PDCD1LG2: variants seen among roughly 807,000 people sequenced by gnomAD.
PDCD1LG2 encodes the protein programmed cell death 1 ligand 2.
In PDCD1LG2, 32 loss-of-function variants were observed where a neutral mutation model predicts 28.2. The ratio of observed to expected loss-of-function variants is 1.13; its 90% CI spans 0.86 to 1.52. PDCD1LG2 has a LOEUF of 1.52. PDCD1LG2 is among the 40% of genes most tolerant of loss of function. The probability of loss-of-function intolerance (pLI) is 0.00; values close to 1 mark genes in which losing one functional copy is unlikely to be tolerated. For synonymous variants in PDCD1LG2, 116 were observed against 120.2 expected, an observed-to-expected ratio of 0.97 and a Z score of 0.23; for missense variants, 385 against 323.8, an observed-to-expected ratio of 1.19 and a Z score of -1.45.
At chr9:5,526,493 A>C (rs1397301889) in intron 2 of PDCD1LG2, among the ~76,000 whole-genome samples, 1 of 152,172 alleles carries the variant, frequency 6.6e-6, no homozygotes, top group African/African-American at 2.4e-5. Flanking sequence ...GCTGGAGTGC[A>C]GTGGCCCAAC....
chr9:5,557,522 C>T (rs1586818335), intron 4 of PDCD1LG2, 96 bp from the exon 5 acceptor site: 15 of 1,405,582 alleles, frequency 1.1e-5, no homozygotes, highest in Non-Finnish European at 1.5e-5. Context: ...CTCCACAGAG[C>T]TAGCCGTGTT....
chr9:5,532,636 G>A (rs1377755465), intron 2 of PDCD1LG2, among the ~76,000 whole-genome samples: 1 of 152,178 alleles, frequency 6.6e-6, no homozygotes, highest in Non-Finnish European at 1.5e-5. Flanking sequence ...ACTTGAATCA[G>A]AGGACATCTG....
chr9:5,570,061 T>A lies in PDCD1LG2; in HGVS notation c.*102T>A. On this transcript the variant is annotated 3_prime_UTR_variant, in exon 7 of 7. Transcript: ENST00000397747. Reference sequence around the variant, plus strand: ...GCCTGCAGAGCTTGCCATTTGCACTTTTCAAATGCCTTTGGATGACCCAGC... The same window carrying A: ...GCCTGCAGAGCTTGCCATTTGCACTATTCAAATGCCTTTGGATGACCCAGC... The A allele has an allele frequency of 7.0e-7, 1 of 1,429,942 alleles. No individual in the cohort carries two copies. Among genetic ancestry groups the A allele is most frequent in the Non-Finnish European group, 9.8e-7 (1 of 1,017,892 alleles). The allele number at this position is 1,429,942 out of a possible 1,614,324, so 88.6% of individuals were successfully genotyped here.
intron 1 of PDCD1LG2, among the ~76,000 whole-genome samples, chr9:5,514,691 G>A (rs1160564568): frequency 4.7e-5 from 7 of 148,032 alleles, no homozygotes; most frequent in African/African-American, 1.0e-4. Flanking sequence ...CCAGGAATTC[G>A]AGGCTGCAGT....
intron 4 of PDCD1LG2, among the ~76,000 whole-genome samples, chr9:5,551,191 T>C (rs930989312): frequency 1.3e-5 from 2 of 152,200 alleles, no homozygotes; most frequent in Non-Finnish European, 2.9e-5. Flanking sequence ...GGGAGAGCCA[T>C]AATTTTATTT....
intron 2 of PDCD1LG2, among the ~76,000 whole-genome samples, chr9:5,526,541 G>A (rs1388405968): frequency 6.6e-6 from 1 of 152,106 alleles, no homozygotes; most frequent in Admixed American, 6.6e-5. Context: ...AGGCTCAAGT[G>A]AGTCTCCTGC....
At chr9:5,544,070 C>T (rs1364512155) in intron 3 of PDCD1LG2, among the ~76,000 whole-genome samples, 1 of 152,200 alleles carries the variant, frequency 6.6e-6, no homozygotes, top group Non-Finnish European at 1.5e-5. Context: ...AAAACAGATA[C>T]TACCATGTAT....
intron 3 of PDCD1LG2, among the ~76,000 whole-genome samples, chr9:5,537,735 C>T (rs902219829): frequency 2.6e-5 from 4 of 151,940 alleles, no homozygotes; most frequent in East Asian, 1.9e-4. Flanking sequence ...GTTGTGTGGT[C>T]GGGGGAGGGG....
intron 4 of PDCD1LG2, among the ~76,000 whole-genome samples, chr9:5,554,005 C>T (rs996754508): frequency 6.6e-5 from 10 of 152,116 alleles, no homozygotes; most frequent in African/African-American, 1.2e-4. Flanking sequence ...CTACTAGCTC[C>T]AAGCCCACCC....
rs1314309286 is a variant in PDCD1LG2 at position 5,570,950 on chromosome 9, T to G, written c.*991T>G. 2.1e-5 allele frequency: 5 copies of G among 232,658 alleles called. No homozygotes were observed. Among genetic ancestry groups the G allele is most frequent in the Non-Finnish European group, 4.2e-5 (5 of 117,774 alleles). The allele number at this position is 232,658 out of a possible 1,614,324, so 14.4% of individuals were successfully genotyped here. On this transcript the variant is annotated 3_prime_UTR_variant, in exon 7 of 7. Transcript: ENST00000397747. ...ATCCTGCAAGATCCCACTACATATG[T>G]GTGGAGCAGAAGGGTAACTCGGCTA...
intron 5 of PDCD1LG2, among the ~76,000 whole-genome samples, chr9:5,560,640 G>A (rs757719462): frequency 4.7e-5 from 7 of 150,380 alleles, no homozygotes; most frequent in Non-Finnish European, 7.3e-5. Context: ...TTGAGCCTGG[G>A]ACGCCAGTCC....
At chr9:5,536,564 C>G (rs1328864146) in intron 3 of PDCD1LG2, among the ~76,000 whole-genome samples, 1 of 152,210 alleles carries the variant, frequency 6.6e-6, no homozygotes, top group Non-Finnish European at 1.5e-5. Flanking sequence ...ATCTGCAACC[C>G]TAAATCACCA....
At chr9:5,540,949 A>T (rs1348119106) in intron 3 of PDCD1LG2, among the ~76,000 whole-genome samples, 1 of 152,212 alleles carries the variant, frequency 6.6e-6, no homozygotes, top group Admixed American at 6.5e-5. Context: ...ATGAACATAG[A>T]TGTAAAAATC....
intron 1 of PDCD1LG2, among the ~76,000 whole-genome samples, chr9:5,520,434 G>A (rs1004284773): frequency 1.3e-5 from 2 of 152,134 alleles, no homozygotes; most frequent in African/African-American, 4.8e-5. Flanking sequence ...TTAGGTTCTT[G>A]ATCCATTTTG....
intron 6 of PDCD1LG2, among the ~76,000 whole-genome samples, chr9:5,568,306 C>A (rs566452067): frequency 4.6e-5 from 7 of 152,166 alleles, no homozygotes; most frequent in Non-Finnish European, 1.0e-4. Flanking sequence ...AGGAGGTGAG[C>A]GGGAGACAAG....
Position 5,557,713 on chromosome 9 carries a change from C to G in PDCD1LG2, c.727C>G (p.Leu243Val), listed in dbSNP as rs2129922261. 6.2e-7 allele frequency: 1 copy of G among 1,613,910 alleles called. No homozygotes were observed. The highest frequency in any genetic ancestry group is 2.2e-5 in the East Asian group (1 of 44,882). ...AFIFIATVIA[L>V]RKQLCQKLYS... ...CATTTTCATAGCCACAGTGATAGCC[C>G]TAAGAAAACAACTCTGTCAAAAGCT... The change falls in exon 5 of 7, where the codon CTA becomes GTA. Residue 243 changes from leucine to valine, a missense_variant. Physicochemically the swap from Leu to Val is conservative, Grantham distance 32. Transcript: ENST00000397747.
At chr9:5,543,828 G>A (rs1282360580) in intron 3 of PDCD1LG2, among the ~76,000 whole-genome samples, 1 of 63,988 alleles carries the variant, frequency 1.6e-5, no homozygotes. Context: ...AATAAAGAAA[G>A]AAATTATTTT....
chr9:5,532,084 A>C (rs1326500265), intron 2 of PDCD1LG2, among the ~76,000 whole-genome samples: 2 of 152,218 alleles, frequency 1.3e-5, no homozygotes, highest in Non-Finnish European at 2.9e-5. Flanking sequence ...AGCTATTCCA[A>C]GTGTGCAGTG....
intron 6 of PDCD1LG2, among the ~76,000 whole-genome samples, chr9:5,567,394 T>C (rs1048856323): frequency 3.9e-5 from 6 of 152,250 alleles, no homozygotes; most frequent in African/African-American, 4.8e-5. Flanking sequence ...TTTGTGGAAG[T>C]TGTTCTTGTA....
Sources: gnomAD v4.1 joint callset for allele counts (sites outside exome capture counted in the v4.1 genomes callset) on GRCh38, gnomAD v4.1.1 for gene constraint, MANE v1.5 for transcripts, NCBI Gene and HGNC (gene_info 2026-07-23, HGNC 2026-07-21) for gene names.